Variants in RFPL3 observed in about 807,000 individuals in gnomAD.
RFPL3 encodes ret finger protein-like 3.
RFPL3 carries 8 observed loss-of-function variants against 8.7 expected under a neutral mutation model. The ratio of observed to expected loss-of-function variants is 0.92; its 90% CI spans 0.54 to 1.66. The LOEUF (loss-of-function observed/expected upper bound fraction) is 1.66, where lower values mean the gene tolerates loss of function less well. Among genes scored for constraint, RFPL3 ranks in the 40% most tolerant of loss-of-function variants. The probability of loss-of-function intolerance (pLI) is 0.00; values close to 1 mark genes in which losing one functional copy is unlikely to be tolerated. For missense variants in RFPL3, 341 were observed against 395.0 expected (o/e 0.86, Z 1.16); for synonymous variants, 145 against 150.5 (o/e 0.96, Z 0.27).
Position 32,358,195 on chromosome 22 carries a change from G to C in RFPL3, c.124G>C (p.Val42Leu). 9 of 1,613,956 alleles carry C rather than the reference G, an allele frequency of 5.6e-6. 1 individual carries two copies. Among genetic ancestry groups the C allele is most frequent in the South Asian group, 2.2e-5 (2 of 91,066 alleles). ...CTTCCAAGAAGCAAGCAGCTGTCCC[G>C]TCTGCTCAGACTATCTGGAAAAACC... The part of the protein sequence containing the change: ...ALFQEASSCP[V>L]CSDYLEKPMS... Residue 42 changes from valine (V) to leucine (L), a missense_variant, in exon 1 of 2, where the codon GTC becomes CTC. Val to Leu is a conservative substitution (Grantham distance 32). Coordinates refer to ENST00000249007, the MANE Select transcript of RFPL3 (RefSeq NM_001098535.1).
At chr22:32,355,305 T>G (rs1932627786), upstream of RFPL3, among the ~76,000 whole-genome samples, 1 of 152,100 alleles carries the variant, frequency 6.6e-6, no homozygotes, top group South Asian at 2.1e-4. Context: ...TCCAAGAACC[T>G]CATTTGCATA....
chr22:32,358,167 A>G lies in RFPL3; in HGVS notation c.96A>G (p.Ala32=). The G allele has an allele frequency of 6.2e-7, 1 of 1,613,806 alleles. No individual in the cohort carries two copies. Among genetic ancestry groups the G allele is most frequent in the Non-Finnish European group, 8.5e-7 (1 of 1,179,848 alleles). The change falls in exon 1 of 2, where the codon GCA becomes GCG. Residue 32 remains alanine (A), a synonymous_variant. Coordinates refer to ENST00000249007, the MANE Select transcript of RFPL3 (RefSeq NM_001098535.1). ...TTCCCCTGGCAGTGGACATGGCTGC[A>G]CTCTTCCAAGAAGCAAGCAGCTGTC... The part of the protein sequence containing the change: ...CTFPLAVDMA[A]LFQEASSCPV...
At chr22:32,355,523 C>G (rs952808523), upstream of RFPL3, among the ~76,000 whole-genome samples, 1 of 152,062 alleles carries the variant, frequency 6.6e-6, no homozygotes, top group African/African-American at 2.4e-5. Context: ...AGGCCAGTGA[C>G]TTTCTGTGCC....
rs181339206 is a variant in RFPL3, at chr22:32,360,317, G to A, written c.439G>A (p.Val147Ile). 1.4e-3 allele frequency: 2,250 copies of A among 1,613,912 alleles called. 20 individuals are homozygous for A. The highest frequency in any genetic ancestry group is 4.0e-4 in the African/African-American group (30 of 75,018). ...CCTCATTTCTGACGACCTCAGGAGC[G>A]TCCGAAGTGGGCTCATCACACAGAA... ...FLLISDDLRS[V>I]RSGLITQNRQ... The change falls in exon 2 of 2, where the codon GTC (valine) becomes ATC (isoleucine). Residue 147 changes from valine (V) to isoleucine (I), a missense_variant. Val to Ile is a conservative substitution (Grantham distance 29). Transcript: ENST00000249007.
At chr22:32,358,752 G>A (rs868400355) in intron 1 of RFPL3, among the ~76,000 whole-genome samples, 1 of 152,178 alleles carries the variant, frequency 6.6e-6, no homozygotes, top group South Asian at 2.1e-4. Flanking sequence ...GATTGATCCC[G>A]CTGGCTTGGG....
chr22:32,360,982 C>A lies in RFPL3; in HGVS notation c.*150C>A. ...TTCTAATTTGATTCGATTATTGAGT[C>A]GTAAGTATTAATTATTGCCACCATC... On this transcript the variant is annotated 3_prime_UTR_variant, in exon 2 of 2. Coordinates refer to ENST00000249007, the MANE Select transcript of RFPL3 (RefSeq NM_001098535.1). 2.6e-6 allele frequency: 2 copies of A among 763,390 alleles called. No homozygotes were observed. The highest frequency in any genetic ancestry group is 1.9e-6 in the Non-Finnish European group (1 of 523,444). 47.3% of individuals were successfully genotyped at this position (763,390 alleles called of 1,614,324 possible).
At position 32,358,026 on chromosome 22, in the gene RFPL3, G is replaced by A. The variant is rs756941575; in HGVS notation, c.-46G>A. 1 of 1,589,092 alleles carries A rather than the reference G, an allele frequency of 6.3e-7. No individual in the cohort carries two copies. The highest frequency in any genetic ancestry group is 8.6e-7 in the Non-Finnish European group (1 of 1,167,160). On this transcript the variant is annotated 5_prime_UTR_variant, in exon 1 of 2. An upstream start codon of the reference 5' UTR is lost. Transcript: ENST00000249007. ...GATGTGCTTGAGTGTTTGTACTCAT[G>A]GTCTTGTTCTCGGAGTGACAAAGCT...
At position 32,360,131 on chromosome 22, in the gene RFPL3, T is replaced by C. The variant is rs1932763235; in HGVS notation, c.374-121T>C. The C allele has an allele frequency of 2.3e-6, 3 of 1,329,870 alleles. No homozygotes were observed. In the East Asian group the frequency reaches 7.2e-5, roughly 32 times the overall value. The allele number at this position is 1,329,870 out of a possible 1,614,324, so 82.4% of individuals were successfully genotyped here. A position where few individuals can be genotyped will look rare whatever the true frequency, so the allele number is the denominator to read the frequency against. ...AGTTTCCTCATGAAAAGTTTTGATT[T>C]TGGAGGAAGAAACAGAATTAAAGAA... On this transcript the variant is annotated intron_variant, in intron 1 of 1. Transcript: ENST00000249007.
At chr22:32,356,428 C>T (rs199685171), upstream of RFPL3, among the ~76,000 whole-genome samples, 3 of 152,008 alleles carry the variant, frequency 2.0e-5, no homozygotes, top group East Asian at 1.9e-4. Context: ...GCCTCTCCCC[C>T]GGGCTGCTAT....
upstream of RFPL3, chr22:32,357,103 C>T (rs1160368938): frequency 3.4e-6 from 1 of 293,198 alleles, no homozygotes; most frequent in African/African-American, 2.3e-5. Flanking sequence ...ACCCCTCAGA[C>T]ATGGTCCACA....
upstream of RFPL3, chr22:32,356,538 C>T (rs1051210294): frequency 5.6e-6 from 1 of 177,586 alleles, no homozygotes; most frequent in Admixed American, 5.8e-5. Flanking sequence ...AGCAGGATTT[C>T]TGGTTGACGG....
intron 1 of RFPL3, among the ~76,000 whole-genome samples, chr22:32,359,415 G>A (rs1932755553): frequency 6.7e-6 from 1 of 149,088 alleles, no homozygotes; most frequent in South Asian, 2.2e-4. Context: ...AATATATTTT[G>A]TAGATTTTTT....
chr22:32,360,822 A>T lies in RFPL3; in HGVS notation c.944A>T (p.Glu315Val). The T allele has an allele frequency of 6.6e-7, 1 of 1,507,422 alleles. No homozygotes were observed. Among genetic ancestry groups the T allele is most frequent in the Non-Finnish European group, 8.9e-7 (1 of 1,128,196 alleles). 93.4% of individuals were successfully genotyped at this position (1,507,422 alleles called of 1,614,324 possible). ...GTTDAPVRPG[E>V]AK ...ACTGATGCTCCAGTCCGTCCTGGGG[A>T]GGCCAAATAAGCCGCCACTGCAAAA... Residue 315 changes from glutamate (E) to valine (V), a missense_variant, in exon 2 of 2, where the codon GAG becomes GTG. Glu to Val is a moderately radical substitution (Grantham distance 121). Coordinates refer to ENST00000249007, the MANE Select transcript of RFPL3 (RefSeq NM_001098535.1).
upstream of RFPL3, among the ~76,000 whole-genome samples, chr22:32,355,792 AAAAAAAAAG>A (rs1348048061): frequency 6.8e-6 from 1 of 148,008 alleles, no homozygotes; most frequent in African/African-American, 2.6e-5. Flanking sequence ...AAAAAAAAAA[AAAAAAAAAG>A]AAAGAAAAGA....
At chr22:32,360,145 A>T (rs1932763422) in intron 1 of RFPL3, 107 bp from the exon 2 acceptor site, 2 of 1,404,548 alleles carry the variant, frequency 1.4e-6, no homozygotes. Context: ...AGGAAGAAAC[A>T]GAATTAAAGA....
rs1257575409 is a variant in RFPL3 at position 32,360,834 on chromosome 22, C to G, written c.*2C>G. On this transcript the variant is annotated 3_prime_UTR_variant, in exon 2 of 2. Coordinates refer to ENST00000249007, the MANE Select transcript of RFPL3 (RefSeq NM_001098535.1). ...GTCCGTCCTGGGGAGGCCAAATAAG[C>G]CGCCACTGCAAAAAAAAACAGGGTC... 6.6e-7 allele frequency: 1 copy of G among 1,506,190 alleles called. No homozygotes were observed. The highest frequency in any genetic ancestry group is 8.9e-7 in the Non-Finnish European group (1 of 1,128,842). 93.3% of individuals were successfully genotyped at this position (1,506,190 alleles called of 1,614,324 possible).
At chr22:32,356,988 C>T (rs533161330), upstream of RFPL3, 11 of 496,762 alleles carry the variant, frequency 2.2e-5, no homozygotes, top group East Asian at 5.8e-4. Flanking sequence ...TTGGGCTGGC[C>T]TGTGGGTGGG....
upstream of RFPL3, among the ~76,000 whole-genome samples, chr22:32,357,706 A>T (rs535543914): frequency 6.6e-6 from 1 of 152,296 alleles, no homozygotes; most frequent in African/African-American, 2.4e-5. Context: ...ACCTCAGATG[A>T]TCCACCCACC....
In RFPL3 at chr22:32,360,643, C is replaced by T. The variant is rs200654278; in HGVS notation, c.765C>T (p.Asn255=). The T allele has an allele frequency of 1.2e-5, 19 of 1,613,272 alleles. No homozygotes were observed. The highest frequency in any genetic ancestry group is 5.0e-5 in the Admixed American group (3 of 59,898). Residue 255 remains asparagine, a synonymous_variant, in exon 2 of 2, where the codon AAC becomes AAT. Transcript: ENST00000249007. ...VGIFLDMGMQ[N]VSFFDAESGS... ...TTTTTCTGGATATGGGCATGCAGAA[C>T]GTTTCCTTTTTTGATGCTGAAAGTG...
Sources: gnomAD v4.1 joint callset for allele counts (sites outside exome capture counted in the v4.1 genomes callset) on GRCh38, gnomAD v4.1.1 for gene constraint, MANE v1.5 for transcripts, NCBI Gene and HGNC (gene_info 2026-07-23, HGNC 2026-07-21) for gene names.